Variants in MAD1L1 observed in about 807,000 individuals in gnomAD.
The protein encoded by MAD1L1 is mitotic arrest deficient 1 like 1.
Under a neutral mutation model 96.9 loss-of-function variants are expected in MAD1L1, and 95 were observed. The ratio of observed to expected loss-of-function variants is 0.98; its 90% confidence interval spans 0.83 to 1.16. The LOEUF is 1.16. Ranked by LOEUF, MAD1L1 falls within the 50% of genes most tolerant of loss-of-function variation. The pLI is 0.00. For missense variants in MAD1L1, 1,007 were observed against 954.4 expected (o/e 1.06, Z -0.73); for synonymous variants, 473 against 396.6 (o/e 1.19, Z -2.29).
intron 15 of MAD1L1, among the ~76,000 whole-genome samples, chr7:1,965,500 G>A (rs1780126448): frequency 6.6e-6 from 1 of 152,240 alleles, no homozygotes; most frequent in African/African-American, 2.4e-5. Flanking sequence ...TCCAGGCAGT[G>A]GTGAGGCTGC....
chr7:2,191,697 C>G (rs1323103113), intron 10 of MAD1L1, among the ~76,000 whole-genome samples: 2 of 152,126 alleles, frequency 1.3e-5, no homozygotes, highest in Admixed American at 6.5e-5. Flanking sequence ...TGCCACTACA[C>G]TCCAGCCTGG....
chr7:1,825,372 T>C (rs1030741831), intron 18 of MAD1L1, among the ~76,000 whole-genome samples: 2 of 152,190 alleles, frequency 1.3e-5, no homozygotes. Flanking sequence ...CAGGCTGGCG[T>C]CATGGCTGGC....
intron 11 of MAD1L1, among the ~76,000 whole-genome samples, chr7:2,100,311 T>C (rs1421708619): frequency 1.3e-5 from 2 of 152,184 alleles, no homozygotes; most frequent in Non-Finnish European, 2.9e-5. Context: ...CTCTTGAAAC[T>C]CTATGGCAGA....
chr7:2,100,833 C>T (rs894637827), intron 11 of MAD1L1, among the ~76,000 whole-genome samples: 1 of 152,238 alleles, frequency 6.6e-6, no homozygotes, highest in African/African-American at 2.4e-5. Flanking sequence ...AAGGCCAAGC[C>T]CCAGCGACTG....
At chr7:2,069,699 CG>C (rs1430322488) in intron 11 of MAD1L1, among the ~76,000 whole-genome samples, 1 of 152,166 alleles carries the variant, frequency 6.6e-6, no homozygotes, top group Admixed American at 6.5e-5. Flanking sequence ...CAGCGTGGTG[CG>C]GGGAAGCAAG....
chr7:1,839,145 G>A (rs934407994), intron 18 of MAD1L1, among the ~76,000 whole-genome samples: 1 of 152,204 alleles, frequency 6.6e-6, no homozygotes, highest in Non-Finnish European at 1.5e-5. Flanking sequence ...CTCCCTAACA[G>A]ACTCCTCAGT....
At chr7:1,895,077 G>A (rs1206426466) in intron 18 of MAD1L1, among the ~76,000 whole-genome samples, 6 of 152,200 alleles carry the variant, frequency 3.9e-5, no homozygotes, top group African/African-American at 1.4e-4. Context: ...CACATCTGGG[G>A]AACCCAGGAG....
chr7:1,850,603 G>C (rs1482901963), intron 18 of MAD1L1, among the ~76,000 whole-genome samples: 3 of 152,180 alleles, frequency 2.0e-5, no homozygotes, highest in Non-Finnish European at 4.4e-5. Context: ...GAGCCGGCCT[G>C]GGCCGGAGAA....
intron 5 of MAD1L1, among the ~76,000 whole-genome samples, chr7:2,221,484 C>T (rs1440765700): frequency 6.6e-6 from 1 of 151,728 alleles, no homozygotes; most frequent in Admixed American, 6.6e-5. Context: ...AGGACCCCCG[C>T]TGCACGCCCA....
At chr7:2,150,856 G>A (rs1789537210) in intron 10 of MAD1L1, among the ~76,000 whole-genome samples, 1 of 152,234 alleles carries the variant, frequency 6.6e-6, no homozygotes, top group South Asian at 2.1e-4. Context: ...CCAAAGAACA[G>A]GCCCCTTGCT....
At chr7:1,888,312 C>G (rs923766897) in intron 18 of MAD1L1, among the ~76,000 whole-genome samples, 4 of 115,166 alleles carry the variant, frequency 3.5e-5, no homozygotes, top group Admixed American at 9.5e-5. Flanking sequence ...ATGTGACTGC[C>G]TATGTGTGTG....
chr7:1,828,822 A>T (rs1782559768), intron 18 of MAD1L1, among the ~76,000 whole-genome samples: 1 of 152,246 alleles, frequency 6.6e-6, no homozygotes, highest in Non-Finnish European at 1.5e-5. Flanking sequence ...GAAGCGGCAG[A>T]TCACATTAAG....
At chr7:1,831,179 C>T (rs534189076) in intron 18 of MAD1L1, among the ~76,000 whole-genome samples, 48 of 152,348 alleles carry the variant, frequency 3.2e-4, no homozygotes, top group African/African-American at 1.1e-3. Context: ...AGTCTATTGG[C>T]ACTATTTTTC....
intron 17 of MAD1L1, among the ~76,000 whole-genome samples, chr7:1,899,100 A>G (rs1281820885): frequency 6.6e-6 from 1 of 152,166 alleles, no homozygotes; most frequent in Non-Finnish European, 1.5e-5. Flanking sequence ...TGCCCCTGAC[A>G]TGGCTCTAAG....
At chr7:2,126,610 AC>A (rs1234842528) in intron 11 of MAD1L1, among the ~76,000 whole-genome samples, 1 of 152,208 alleles carries the variant, frequency 6.6e-6, no homozygotes, top group East Asian at 1.9e-4. Context: ...GGGACCAAGC[AC>A]AACCCAGGCC....
intron 11 of MAD1L1, among the ~76,000 whole-genome samples, chr7:2,082,201 A>G (rs1236186734): frequency 1.3e-5 from 2 of 152,042 alleles, no homozygotes; most frequent in East Asian, 1.9e-4. Context: ...CCAGGAGGCC[A>G]TGTGTGAGTG....
chr7:2,137,111 A>T (rs1371404241), intron 11 of MAD1L1, among the ~76,000 whole-genome samples: 1 of 152,162 alleles, frequency 6.6e-6, no homozygotes, highest in African/African-American at 2.4e-5. Context: ...TCCTGGGGTT[A>T]GGCTCACACA....
At chr7:1,828,903 T>G (rs1248810471) in intron 18 of MAD1L1, among the ~76,000 whole-genome samples, 1 of 151,976 alleles carries the variant, frequency 6.6e-6, no homozygotes, top group Non-Finnish European at 1.5e-5. Context: ...AGAGCCAAAT[T>G]GACCTTCTAA....
At chr7:1,904,260 C>G (rs1395843562) in intron 17 of MAD1L1, among the ~76,000 whole-genome samples, 1 of 148,386 alleles carries the variant, frequency 6.7e-6, no homozygotes. Flanking sequence ...ATTGATGAAG[C>G]ACTGTTCCAG....
Sources: gnomAD v4.1 joint callset for allele counts (sites outside exome capture counted in the v4.1 genomes callset) on GRCh38, gnomAD v4.1.1 for gene constraint, MANE v1.5 for transcripts, NCBI Gene and HGNC (gene_info 2026-07-23, HGNC 2026-07-21) for gene names.